GALNTL6: variants seen among roughly 807,000 people sequenced by gnomAD.
GALNTL6 encodes polypeptide N-acetylgalactosaminyltransferase like 6.
GALNTL6 carries 46 observed loss-of-function variants against 73.7 expected under a neutral mutation model. The ratio of observed to expected loss-of-function variants is 0.62; its 90% CI spans 0.49 to 0.80. The LOEUF (loss-of-function observed/expected upper bound fraction) is 0.80, where lower values mean the gene tolerates loss of function less well. GALNTL6 is among the 30% of genes least tolerant of loss of function. The pLI, the probability that GALNTL6 is intolerant of heterozygous loss-of-function variation, is 0.00. For missense variants in GALNTL6, 604 were observed against 755.0 expected (o/e 0.80, Z 2.34); for synonymous variants, 259 against 263.7 (o/e 0.98, Z 0.17).
At chr4:172,335,711 A>G (rs1368010964) in intron 4 of GALNTL6, among the ~76,000 whole-genome samples, 1 of 151,960 alleles carries the variant, frequency 6.6e-6, no homozygotes, top group African/African-American at 2.4e-5. Context: ...CATTTCCTCT[A>G]GGTTTTCCAG....
intron 5 of GALNTL6, among the ~76,000 whole-genome samples, chr4:172,608,806 G>A (rs970596420): frequency 2.0e-5 from 3 of 152,026 alleles, no homozygotes; most frequent in African/African-American, 7.2e-5. Flanking sequence ...ATTTCTTTCA[G>A]CAGTGTTTTG....
chr4:172,138,460 T>A (rs1309894855), intron 2 of GALNTL6, among the ~76,000 whole-genome samples: 5 of 109,128 alleles, frequency 4.6e-5, no homozygotes, highest in African/African-American at 1.7e-4. Flanking sequence ...CTAATTATAT[T>A]AATTTACTTG....
At chr4:172,970,139 C>T (rs1214579880) in intron 10 of GALNTL6, among the ~76,000 whole-genome samples, 1 of 152,128 alleles carries the variant, frequency 6.6e-6, no homozygotes, top group African/African-American at 2.4e-5. Context: ...AGTTCACATG[C>T]TTCTAAGGCC....
At chr4:172,841,574 T>C (rs1415546114) in intron 7 of GALNTL6, among the ~76,000 whole-genome samples, 1 of 152,154 alleles carries the variant, frequency 6.6e-6, no homozygotes. Context: ...TGGGGAGGCC[T>C]CAGAAAACTT....
intron 5 of GALNTL6, among the ~76,000 whole-genome samples, chr4:172,614,752 G>A (rs1738657681): frequency 6.6e-6 from 1 of 152,130 alleles, no homozygotes; most frequent in African/African-American, 2.4e-5. Flanking sequence ...CTTAAAAGAT[G>A]AGGGAAGCAC....
At chr4:172,342,370 C>T (rs1352341078) in intron 4 of GALNTL6, among the ~76,000 whole-genome samples, 1 of 152,094 alleles carries the variant, frequency 6.6e-6, no homozygotes, top group Non-Finnish European at 1.5e-5. Flanking sequence ...ATTCGTTGCT[C>T]GTGTTACCTC....
chr4:172,254,649 G>T (rs1036419867), intron 3 of GALNTL6, among the ~76,000 whole-genome samples: 4 of 151,694 alleles, frequency 2.6e-5, no homozygotes, highest in Admixed American at 2.0e-4. Flanking sequence ...GAGGAGTAAT[G>T]ATCGTGTAAA....
At chr4:172,517,449 G>A (rs1734646624) in intron 5 of GALNTL6, among the ~76,000 whole-genome samples, 1 of 152,076 alleles carries the variant, frequency 6.6e-6, no homozygotes, top group Non-Finnish European at 1.5e-5. Flanking sequence ...GCAAGAAGGT[G>A]GAGGTCGTAT....
rs1286972850 is a variant in GALNTL6 at position 172,052,351 on chromosome 4, A to T, written c.139-177305A>T. ...GTGAGCTTATTTAGAGATGGGCTTG[A>T]ACACGCCCTTGAAGACCTATGCACA... On this transcript the variant is annotated intron_variant, in intron 2 of 12. Coordinates refer to ENST00000506823, the MANE Select transcript of GALNTL6 (RefSeq NM_001034845.3). 7.0e-6 allele frequency: 6 copies of T among 854,924 alleles called. No homozygotes were observed. In the African/African-American group the frequency reaches 1.0e-4, roughly 15 times the overall value. The allele number at this position is 854,924 out of a possible 1,614,324, so 53.0% of individuals were successfully genotyped here.
At chr4:172,459,252 A>G (rs1732521450) in intron 5 of GALNTL6, among the ~76,000 whole-genome samples, 1 of 152,216 alleles carries the variant, frequency 6.6e-6, no homozygotes, top group Non-Finnish European at 1.5e-5. Context: ...TCCACAGCCA[A>G]TATCATACTG....
In GALNTL6 at chr4:172,437,143, C is replaced by T. The variant is rs183251527; in HGVS notation, c.553+88454C>T. Among the ~76,000 whole-genome samples, 973 of 152,194 alleles carry T rather than the reference C, an allele frequency of 6.4e-3. 9 individuals carry two copies. The highest frequency in any genetic ancestry group is 0.037 in the South Asian group (180 of 4,826). The stretch of plus-strand genomic sequence containing the variant: ...ATAACTCTCCATGGAATCGTTATTA[C>T]GACTTATATTACCTATACTTATGCT... On this transcript the variant is annotated intron_variant, in intron 5 of 12. Coordinates refer to ENST00000506823, the MANE Select transcript of GALNTL6 (RefSeq NM_001034845.3).
chr4:172,404,616 G>A (rs935241632), intron 5 of GALNTL6, among the ~76,000 whole-genome samples: 10 of 152,042 alleles, frequency 6.6e-5, no homozygotes, highest in Non-Finnish European at 1.3e-4. Context: ...TAAAAAGTGT[G>A]ACCATTATGT....
chr4:171,853,597 CTCTTTTTTTTTTT>C (rs1735590543), intron 2 of GALNTL6, among the ~76,000 whole-genome samples: 3 of 116,032 alleles, frequency 2.6e-5, no homozygotes, highest in Non-Finnish European at 3.5e-5. Context: ...TGTTTAGCCA[CTCTTTTTTTTTTT>C]TTTTTTTTTT....
At chr4:172,797,624 C>T (rs1300786899) in intron 5 of GALNTL6, among the ~76,000 whole-genome samples, 1 of 152,082 alleles carries the variant, frequency 6.6e-6, no homozygotes, top group Non-Finnish European at 1.5e-5. Context: ...TCACTGCAAC[C>T]TCAGCCTCCC....
intron 12 of GALNTL6, among the ~76,000 whole-genome samples, chr4:173,024,673 C>G (rs1753160555): frequency 1.3e-5 from 2 of 152,120 alleles, no homozygotes; most frequent in Non-Finnish European, 2.9e-5. Context: ...CCTCCTTTCC[C>G]AGGTTCAGGC....
At chr4:172,647,886 C>T (rs564338974) in intron 5 of GALNTL6, among the ~76,000 whole-genome samples, 1 of 152,084 alleles carries the variant, frequency 6.6e-6, no homozygotes, top group African/African-American at 2.4e-5. Context: ...ACAATACTGT[C>T]ATTAAATTTA....
At chr4:171,944,850 T>C (rs1738657412) in intron 2 of GALNTL6, among the ~76,000 whole-genome samples, 1 of 152,040 alleles carries the variant, frequency 6.6e-6, no homozygotes, top group Admixed American at 6.6e-5. Context: ...TAATTTGTCT[T>C]TTGTTGAAGC....
chr4:172,394,697 G>T (rs1743789780), intron 5 of GALNTL6, among the ~76,000 whole-genome samples: 1 of 152,030 alleles, frequency 6.6e-6, no homozygotes, highest in South Asian at 2.1e-4. Flanking sequence ...CTCCCAAAGT[G>T]CTGGGATTAC....
intron 3 of GALNTL6, among the ~76,000 whole-genome samples, chr4:172,294,378 C>T (rs1739587968): frequency 6.6e-6 from 1 of 152,124 alleles, no homozygotes; most frequent in African/African-American, 2.4e-5. Flanking sequence ...TAAAAATGTT[C>T]AGTCCATGAC....
Sources: gnomAD v4.1 joint callset for allele counts (sites outside exome capture counted in the v4.1 genomes callset) on GRCh38, gnomAD v4.1.1 for gene constraint, MANE v1.5 for transcripts, NCBI Gene and HGNC (gene_info 2026-07-23, HGNC 2026-07-21) for gene names.